TIPARP: variants seen among roughly 807,000 people sequenced by gnomAD.
TIPARP encodes the protein protein mono-ADP-ribosyltransferase TIPARP.
A neutral mutation model predicts 56.5 loss-of-function variants in TIPARP; 12 were observed. The ratio of observed to expected loss-of-function variants is 0.21; its 90% CI spans 0.14 to 0.34. The LOEUF is 0.34. Among genes scored for constraint, TIPARP ranks in the 10% least tolerant of loss-of-function variants. The pLI is 1.00. For missense variants in TIPARP, 604 were observed against 781.6 expected, an observed-to-expected ratio of 0.77 and a Z score of 2.71; for synonymous variants, 296 against 265.7, an observed-to-expected ratio of 1.11 and a Z score of -1.11.
chr3:156,689,524 A>G (rs962345347), intron 2 of TIPARP, among the ~76,000 whole-genome samples: 1 of 152,224 alleles, frequency 6.6e-6, no homozygotes, highest in Admixed American at 6.5e-5. Flanking sequence ...ATTCTTCTAT[A>G]CCACTACAAC....
In TIPARP at chr3:156,685,687, C is replaced by G. The variant is rs896110472; in HGVS notation, c.917+7073C>G. 2.0e-5 allele frequency among the ~76,000 whole-genome samples: 3 copies of G among 152,298 alleles called. No individual in the cohort carries two copies. The East Asian group carries it at 5.8e-4, about 29-fold the overall frequency. ...ATTTCTCTTTATTACATTAGCTTTT[C>G]TTTTTGAATTAATTGAAGAATTCTT... On this transcript the variant is annotated intron_variant, in intron 2 of 5. Coordinates refer to ENST00000295924, the MANE Select transcript of TIPARP (RefSeq NM_015508.5).
Position 156,677,991 on chromosome 3 carries a change from A to T in TIPARP, c.294A>T (p.Ser98=). 1.2e-6 allele frequency: 2 copies of T among 1,614,168 alleles called. No homozygotes were observed. The highest frequency in any genetic ancestry group is 1.7e-6 in the Non-Finnish European group (2 of 1,180,030). The change falls in exon 2 of 6, where the codon TCA becomes TCT. Residue 98 remains serine (S), a synonymous_variant. Transcript: ENST00000295924. ...PMMKKAMEIN[S]SCPPAENNMS... ...TGAAGAAAGCCATGGAAATCAATTC[A>T]TCATGCCCACCAGCAGAAAATAATA...
intron 2 of TIPARP, among the ~76,000 whole-genome samples, chr3:156,684,665 C>A (rs1722388078): frequency 6.6e-6 from 1 of 152,218 alleles, no homozygotes; most frequent in Non-Finnish European, 1.5e-5. Context: ...CTCCCGACCT[C>A]AGATGATCCA....
At chr3:156,695,483 C>T (rs1480549152) in intron 3 of TIPARP, among the ~76,000 whole-genome samples, 31 of 152,030 alleles carry the variant, frequency 2.0e-4, no homozygotes, top group Non-Finnish European at 1.2e-4. Context: ...CCTCCCAAAG[C>T]GTGGGGAGTG....
At chr3:156,679,070 A>G (rs1428707009) in intron 2 of TIPARP, among the ~76,000 whole-genome samples, 4 of 152,242 alleles carry the variant, frequency 2.6e-5, no homozygotes, top group African/African-American at 9.6e-5. Context: ...TTCATTTTGA[A>G]TGGTATAAAC....
At chr3:156,674,821 A>AG (rs1373782302) in intron 1 of TIPARP, 25 bp downstream of exon 1, 1 of 152,186 alleles carries the variant, frequency 6.6e-6, no homozygotes, top group Non-Finnish European at 1.5e-5. Context: ...GAGGGCACTG[A>AG]GGGGCTGAAG....
At chr3:156,695,823 T>G in intron 3 of TIPARP, 42 bp from the exon 4 acceptor site, 3 of 1,314,124 alleles carry the variant, frequency 2.3e-6, no homozygotes, top group Non-Finnish European at 2.9e-6. Flanking sequence ...ATTATTAACT[T>G]TCCTTTTTTT....
chr3:156,682,152 A>G (rs979534714), intron 2 of TIPARP, among the ~76,000 whole-genome samples: 1 of 152,158 alleles, frequency 6.6e-6, no homozygotes, highest in Non-Finnish European at 1.5e-5. Flanking sequence ...ACAATTTTCT[A>G]TTTATTTCCA....
chr3:156,694,480 G>A (rs344014), intron 3 of TIPARP, among the ~76,000 whole-genome samples: 145,147 of 152,318 alleles, frequency 0.95, 69,197 homozygotes, highest in Middle Eastern at 0.99. Context: ...ACCTGTTGCC[G>A]CCTGTGGAGT....
At chr3:156,687,967 CA>C in intron 2 of TIPARP, among the ~76,000 whole-genome samples, 1 of 152,160 alleles carries the variant, frequency 6.6e-6, no homozygotes, top group Non-Finnish European at 1.5e-5. Context: ...CCAAGAAATG[CA>C]TTGTATCTTA....
intron 3 of TIPARP, 42 bp downstream of exon 3, chr3:156,694,230 TA>T: frequency 6.5e-7 from 1 of 1,527,190 alleles, no homozygotes; most frequent in South Asian, 1.3e-5. Flanking sequence ...TTTTCAAATT[TA>T]TTTTTTTCTT....
intron 4 of TIPARP, among the ~76,000 whole-genome samples, chr3:156,698,887 C>T (rs144034167): frequency 1.6e-4 from 25 of 152,214 alleles, no homozygotes; most frequent in African/African-American, 5.8e-4. Flanking sequence ...TTAAGAACAT[C>T]GTGATTCATG....
At chr3:156,702,074 T>TGTGGTG (rs1260076842) in intron 4 of TIPARP, among the ~76,000 whole-genome samples, 1 of 62,612 alleles carries the variant, frequency 1.6e-5, no homozygotes, top group African/African-American at 6.0e-5. Flanking sequence ...TGGTGGTGGT[T>TGTGGTG]GTGGTGGTGG....
chr3:156,679,792 A>G (rs965409219), intron 2 of TIPARP, among the ~76,000 whole-genome samples: 7 of 152,308 alleles, frequency 4.6e-5, no homozygotes, highest in Admixed American at 1.3e-4. Flanking sequence ...TACACTACCT[A>G]TGTGTCTAGA....
At chr3:156,691,929 A>C (rs1722585846) in intron 2 of TIPARP, among the ~76,000 whole-genome samples, 1 of 152,194 alleles carries the variant, frequency 6.6e-6, no homozygotes, top group East Asian at 1.9e-4. Flanking sequence ...AGAATGTAGC[A>C]AAAGCTGCAG....
At chr3:156,679,256 A>G (rs983463560) in intron 2 of TIPARP, among the ~76,000 whole-genome samples, 1 of 152,062 alleles carries the variant, frequency 6.6e-6, no homozygotes, top group Non-Finnish European at 1.5e-5. Flanking sequence ...GGATGAATTT[A>G]TGGTAAGGTA....
intron 1 of TIPARP, chr3:156,675,083 C>A (rs1284575373): frequency 6.6e-6 from 1 of 152,346 alleles, no homozygotes; most frequent in African/African-American, 2.4e-5. Flanking sequence ...GCGCCTGCCC[C>A]TTCCCCGTTC....
chr3:156,703,527 G>A lies in TIPARP; in HGVS notation c.1351G>A (p.Glu451Lys). 1 of 1,614,184 alleles carries A rather than the reference G, an allele frequency of 6.2e-7. No individual in the cohort carries two copies. Among genetic ancestry groups the A allele is most frequent in the Non-Finnish European group, 8.5e-7 (1 of 1,180,040 alleles). ...DGVTSANFYP[E>K]TWVYMHPSQD... is the part of the protein sequence containing the mutation. ...GGTCACTTCAGCAAACTTTTACCCT[G>A]AAACTTGGGTTTATATGCATCCATC... Residue 451 changes from glutamate (E) to lysine (K), a missense_variant, in exon 5 of 6, where the codon GAA becomes AAA. This residue lies in a region of TIPARP where 252 missense variants were observed against 303.9 expected (regional missense o/e 0.83). Transcript: ENST00000295924.
At chr3:156,698,796 C>T (rs1302290442) in intron 4 of TIPARP, among the ~76,000 whole-genome samples, 1 of 152,144 alleles carries the variant, frequency 6.6e-6, no homozygotes, top group Non-Finnish European at 1.5e-5. Context: ...GCTATAGCTG[C>T]CATACATAGT....
Sources: gnomAD v4.1 joint callset for allele counts (sites outside exome capture counted in the v4.1 genomes callset) on GRCh38, gnomAD v4.1.1 for gene constraint, gnomAD v4.1.1 regional missense constraint, MANE v1.5 for transcripts, NCBI Gene and HGNC (gene_info 2026-07-23, HGNC 2026-07-21) for gene names.